The following CCDC57 variants were observed in gnomAD, a reference collection of about 807,000 sequenced individuals.
CCDC57 encodes the protein coiled-coil domain containing 57, also known as coiled-coil domain-containing protein 57.
Under a neutral mutation model 118.9 loss-of-function variants are expected in CCDC57, and 118 were observed. The ratio of observed to expected loss-of-function variants is 0.99; its 90% confidence interval spans 0.86 to 1.16. The LOEUF (loss-of-function observed/expected upper bound fraction) is 1.16, where lower values mean the gene tolerates loss of function less well. CCDC57 is among the 50% of genes most tolerant of loss of function. The pLI, the probability that CCDC57 is intolerant of heterozygous loss-of-function variation, is 0.00. For synonymous variants in CCDC57, 527 were observed against 532.9 expected (o/e 0.99, Z 0.15); for missense variants, 1,300 against 1,320.7 (o/e 0.98, Z 0.24).
intron 1 of CCDC57, among the ~76,000 whole-genome samples, chr17:82,209,295 C>T (rs988598192): frequency 9.9e-5 from 15 of 152,148 alleles, no homozygotes; most frequent in Admixed American, 2.0e-4. Flanking sequence ...AAGTTGAAGT[C>T]GAAGTCTTGT....
chr17:82,167,794 T>G (rs957844148), intron 13 of CCDC57, among the ~76,000 whole-genome samples: 11 of 152,166 alleles, frequency 7.2e-5, no homozygotes, highest in African/African-American at 2.7e-4. Flanking sequence ...TTTTGTATTT[T>G]TAGTAGATAC....
chr17:82,110,521 C>G (rs1309245980), intron 19 of CCDC57, among the ~76,000 whole-genome samples: 1 of 152,280 alleles, frequency 6.6e-6, no homozygotes, highest in South Asian at 2.1e-4. Context: ...CACAGGAGGT[C>G]TAACCTTACA....
intron 11 of CCDC57, among the ~76,000 whole-genome samples, chr17:82,173,826 G>C (rs1014587115): frequency 8.7e-6 from 1 of 115,370 alleles, no homozygotes; most frequent in Non-Finnish European, 1.8e-5. Context: ...AGGTGGCTCC[G>C]GTGCAGGAGG....
chr17:82,136,655 T>G (rs1160316465), intron 16 of CCDC57, among the ~76,000 whole-genome samples: 1 of 151,110 alleles, frequency 6.6e-6, no homozygotes, highest in Non-Finnish European at 1.5e-5. Context: ...TGGAGTGCAG[T>G]GGTGCAATCG....
intron 2 of CCDC57, among the ~76,000 whole-genome samples, chr17:82,205,345 T>C (rs8077209): frequency 0.54 from 81,425 of 152,104 alleles, 22,692 homozygotes; most frequent in East Asian, 0.88. Context: ...CTTAACTCAT[T>C]GGTCGCAGCC....
At position 82,101,558 on chromosome 17, in the gene CCDC57, C is replaced by G. The variant is rs531111767; in HGVS notation, c.*124G>C. 1.6e-5 allele frequency: 13 copies of G among 819,254 alleles called. No homozygotes were observed. In the South Asian group the frequency reaches 2.3e-4, roughly 14 times the overall value. 50.7% of individuals were successfully genotyped at this position (819,254 alleles called of 1,614,324 possible). ...GCCTCAGCAGCATTTGGGAGCCTGCCCTGCAGCTCCCTGCCTCCACCCTGC... is the reference window on the plus strand; with the variant it reads ...GCCTCAGCAGCATTTGGGAGCCTGCGCTGCAGCTCCCTGCCTCCACCCTGC... On this transcript the variant is annotated 3_prime_UTR_variant, in exon 20 of 20. Coordinates refer to ENST00000665763, the Ensembl canonical transcript of CCDC57.
intron 7 of CCDC57, among the ~76,000 whole-genome samples, chr17:82,190,697 A>C (rs11651734): frequency 7.3e-6 from 1 of 136,136 alleles, no homozygotes; most frequent in African/African-American, 3.0e-5. Context: ...CTCTGTCTCA[A>C]AAAAAAAAAA....
At position 82,195,320 on chromosome 17, in the gene CCDC57, G is replaced by A. The variant is rs373945565; in HGVS notation, c.561C>T (p.His187=). The A allele has an allele frequency of 1.4e-4, 227 of 1,602,168 alleles. 1 individual carries two copies. The East Asian group carries it at 4.2e-3, about 29-fold the overall frequency. The change falls in exon 5 of 20, where the codon CAC becomes CAT. Residue 187 remains histidine, a synonymous_variant. Transcript: ENST00000665763. ...TGTTGTCAGCCTGCAGACGGAATTC[G>A]TGCTCCCTCTTCCGCATTTTCGATT...
In CCDC57 at chr17:82,212,397, C is replaced by T. The variant is rs35792504; in HGVS notation, c.-211+388G>A. Among the ~76,000 whole-genome samples the T allele has an allele frequency of 0.51, 68,425 of 134,722 alleles. 17,659 individuals carry two copies. The highest frequency in any genetic ancestry group is 0.88 in the East Asian group (4,220 of 4,780). The allele number at this position is 134,722 out of a possible 152,430, so 88.4% of individuals were successfully genotyped here. A position where few individuals can be genotyped will look rare whatever the true frequency, so the allele number is the denominator to read the frequency against. On this transcript the variant is annotated intron_variant, in intron 1 of 19. Coordinates refer to ENST00000665763, the Ensembl canonical transcript of CCDC57. This position sits in a 1 kb window ranked among gnomAD's most constrained non-coding sequence, Gnocchi z 4.1. ...CGCCTCCGGCCTTTTTTTTTCCTCTCTTTTTTTTTTTTTTTTTTTAAACTC... is the reference window on the plus strand; with the variant it reads ...CGCCTCCGGCCTTTTTTTTTCCTCTTTTTTTTTTTTTTTTTTTTTAAACTC...
At chr17:82,124,243 T>C (rs1382741290) in intron 19 of CCDC57, among the ~76,000 whole-genome samples, 1 of 152,128 alleles carries the variant, frequency 6.6e-6, no homozygotes, top group Non-Finnish European at 1.5e-5. Flanking sequence ...TGGCAGCAAG[T>C]GCTTCCCTGA....
chr17:82,117,361 A>G (rs1461707519), intron 19 of CCDC57, among the ~76,000 whole-genome samples: 1 of 151,218 alleles, frequency 6.6e-6, no homozygotes, highest in Non-Finnish European at 1.5e-5. Context: ...CAACCAGGCA[A>G]ATTAGGCCAG....
At chr17:82,190,218 C>T (rs1179656593) in intron 7 of CCDC57, among the ~76,000 whole-genome samples, 13 of 152,200 alleles carry the variant, frequency 8.5e-5, no homozygotes. Context: ...TCTCAAGGTT[C>T]TTCATATCCC....
chr17:82,194,218 T>G, intron 5 of CCDC57, 79 bp from the exon 5 acceptor site: 1 of 1,433,554 alleles, frequency 7.0e-7, no homozygotes, highest in Non-Finnish European at 9.6e-7. Flanking sequence ...ACTGCTGTTT[T>G]ATCAGGATTG....
intron 16 of CCDC57, among the ~76,000 whole-genome samples, chr17:82,140,802 C>A (rs373205246): frequency 1.3e-5 from 2 of 152,184 alleles, no homozygotes; most frequent in East Asian, 1.9e-4. Context: ...CCCGGCACAG[C>A]GCCTGGCTTG....
intron 16 of CCDC57, among the ~76,000 whole-genome samples, chr17:82,146,876 CGCAA>C (rs1160538199): frequency 4.6e-5 from 7 of 152,168 alleles, no homozygotes; most frequent in Non-Finnish European, 7.3e-5. Flanking sequence ...TGTGCAGTCT[CGCAA>C]ACAAACGTGT....
intron 13 of CCDC57, among the ~76,000 whole-genome samples, chr17:82,167,438 C>T (rs1454407788): frequency 6.6e-6 from 1 of 151,686 alleles, no homozygotes; most frequent in Non-Finnish European, 1.5e-5. Flanking sequence ...GCAACCTCCA[C>T]CTCCCGGGTT....
At chr17:82,117,738 T>A (rs1192464200) in intron 19 of CCDC57, among the ~76,000 whole-genome samples, 1 of 99,656 alleles carries the variant, frequency 1.0e-5, no homozygotes, top group African/African-American at 4.0e-5. Flanking sequence ...ACTTATCAGA[T>A]TGGCCAACAA....
At chr17:82,183,720 C>G in intron 9 of CCDC57, 54 bp downstream of exon 8, 2 of 1,509,784 alleles carry the variant, frequency 1.3e-6, no homozygotes, top group South Asian at 1.2e-5. Context: ...GTACCTACAA[C>G]AGCACCTGCC....
Position 82,190,812 on chromosome 17 carries a change from C to T in CCDC57, c.852-2393G>A, listed in dbSNP as rs183894070. Among the ~76,000 whole-genome samples, 644 of 151,246 alleles carry T rather than the reference C, an allele frequency of 4.3e-3. 3 individuals are homozygous for T. The highest frequency in any genetic ancestry group is 7.3e-3 in the Non-Finnish European group (496 of 67,912). ...CGTCTGCTTGCTCCCAGACATAATGCCTCTAATTCAACCTTTATGAGAGGC... is the reference window on the plus strand; with the variant it reads ...CGTCTGCTTGCTCCCAGACATAATGTCTCTAATTCAACCTTTATGAGAGGC... On this transcript the variant is annotated intron_variant, in intron 7 of 19. Transcript: ENST00000665763.
Sources: gnomAD v4.1 joint callset for allele counts (sites outside exome capture counted in the v4.1 genomes callset) on GRCh38, gnomAD v4.1.1 for gene constraint, Gnocchi (gnomAD v3.1) non-coding constraint, MANE v1.5 for transcripts, NCBI Gene and HGNC (gene_info 2026-07-23, HGNC 2026-07-21) for gene names.